Variants in RNF145 observed in about 807,000 individuals in gnomAD.
RNF145 encodes ring finger protein 145.
In RNF145, 12 loss-of-function variants were observed where a neutral mutation model predicts 57.3. That is an observed-to-expected ratio of 0.21 (90% CI 0.13 to 0.34). The LOEUF (loss-of-function observed/expected upper bound fraction) is 0.34. Among genes scored for constraint, RNF145 ranks in the 10% least tolerant of loss-of-function variants. RNF145 has a pLI of 1.00. For missense variants in RNF145, 429 were observed against 799.0 expected, an observed-to-expected ratio of 0.54 and a Z score of 5.58; for synonymous variants, 262 against 288.3, an observed-to-expected ratio of 0.91 and a Z score of 0.92.
intron 2 of RNF145, among the ~76,000 whole-genome samples, chr5:159,196,589 G>A (rs962107392): frequency 1.3e-5 from 2 of 152,148 alleles, no homozygotes; most frequent in South Asian, 4.1e-4. Flanking sequence ...AAGAAAACAT[G>A]AGCATGCTTG....
At chr5:159,180,224 T>C (rs529539121) in intron 4 of RNF145, among the ~76,000 whole-genome samples, 1 of 152,158 alleles carries the variant, frequency 6.6e-6, no homozygotes, top group South Asian at 2.1e-4. Flanking sequence ...CCTGGACCCT[T>C]TTATGGGTTC....
At chr5:159,178,048 C>A (rs73816511) in intron 4 of RNF145, among the ~76,000 whole-genome samples, 5,861 of 151,980 alleles carry the variant, frequency 0.039, 418 homozygotes, top group African/African-American at 0.13. Context: ...TAACTTTATT[C>A]TCTTATAAAA....
intron 10 of RNF145, 135 bp from the exon 11 acceptor site, chr5:159,159,170 C>T (rs1265192464): frequency 1.3e-6 from 1 of 747,350 alleles, no homozygotes; most frequent in Non-Finnish European, 2.1e-6. Flanking sequence ...ATAAAACTTA[C>T]TTTATATATC....
Position 159,194,702 on chromosome 5 carries a change from G to T in RNF145, c.293+14C>A, listed in dbSNP as rs746322600. ...ATTCAATCATACATTTCAAAAATGG[G>T]GTCATATTCTTACCTGGAAATTTGA... On this transcript the variant is annotated intron_variant, in intron 3 of 10. Coordinates refer to ENST00000424310, the MANE Select transcript of RNF145 (RefSeq NM_001199383.2). 9 of 1,432,438 alleles carry T rather than the reference G, an allele frequency of 6.3e-6. No individual in the cohort carries two copies. The African/African-American group carries it at 8.5e-5, about 14-fold the overall frequency. The allele number at this position is 1,432,438 out of a possible 1,614,324, so 88.7% of individuals were successfully genotyped here. A position where few individuals can be genotyped will look rare whatever the true frequency, so the allele number is the denominator to read the frequency against.
At chr5:159,198,239 CTAAA>C (rs10565309) in intron 2 of RNF145, among the ~76,000 whole-genome samples, 34,113 of 146,764 alleles carry the variant, frequency 0.23, 4,226 homozygotes, top group East Asian at 0.41. Flanking sequence ...GACTCTATCT[CTAAA>C]TAAATAAATA....
chr5:159,188,511 T>C (rs1188176237), intron 3 of RNF145, among the ~76,000 whole-genome samples: 1 of 152,098 alleles, frequency 6.6e-6, no homozygotes, highest in Non-Finnish European at 1.5e-5. Context: ...GTAGTATCAG[T>C]GTATGGTTTT....
intron 6 of RNF145, 44 bp downstream of exon 6, chr5:159,173,939 T>C: frequency 7.6e-7 from 1 of 1,316,038 alleles, no homozygotes; most frequent in South Asian, 2.0e-5. Context: ...CAAAGTTTTC[T>C]CTTTCTAAGG....
At chr5:159,189,401 G>GAAAT (rs1242395603) in intron 3 of RNF145, among the ~76,000 whole-genome samples, 1 of 152,168 alleles carries the variant, frequency 6.6e-6, no homozygotes, top group Non-Finnish European at 1.5e-5. Context: ...AAAGCACAAT[G>GAAAT]AAATACCTCT....
intron 1 of RNF145, among the ~76,000 whole-genome samples, chr5:159,208,902 G>A (rs541156089): frequency 1.4e-5 from 2 of 143,294 alleles, no homozygotes; most frequent in South Asian, 2.5e-4. Flanking sequence ...CTGGGAAGAG[G>A]AAGGGATGGG....
rs1266504431 is a variant in RNF145 at position 159,161,722 on chromosome 5, G to C, written c.1270-100C>G. On this transcript the variant is annotated intron_variant, in intron 9 of 10. Transcript: ENST00000424310. ...AACACATTCCTGATGTTTTTAGGGT[G>C]CAATATTTCAAATATACAGAAGAGT... 4 of 720,262 alleles carry C rather than the reference G, an allele frequency of 5.6e-6. No homozygotes were observed. In the African/African-American group the frequency reaches 7.1e-5, roughly 13 times the overall value. 44.6% of individuals were successfully genotyped at this position (720,262 alleles called of 1,614,324 possible). A position where few individuals can be genotyped will look rare whatever the true frequency, so the allele number is the denominator to read the frequency against.
Position 159,198,975 on chromosome 5 carries a change from C to T in RNF145, c.185-4151G>A, listed in dbSNP as rs545715229. Among the ~76,000 whole-genome samples, 176 of 152,198 alleles carry T rather than the reference C, an allele frequency of 1.2e-3. 1 individual carries two copies. The highest frequency in any genetic ancestry group is 4.0e-3 in the African/African-American group (166 of 41,530). ...CCTGCGCAAGAGTGAGACCCTGTCA[C>T]GTACATACATACATATATATAAAAT... On this transcript the variant is annotated intron_variant, in intron 2 of 10. Coordinates refer to ENST00000424310, the MANE Select transcript of RNF145 (RefSeq NM_001199383.2).
chr5:159,182,765 T>C (rs552466904), intron 3 of RNF145, among the ~76,000 whole-genome samples: 1 of 152,186 alleles, frequency 6.6e-6, no homozygotes, highest in African/African-American at 2.4e-5. Flanking sequence ...CAGGGAGAAT[T>C]TAGTTTATTA....
At chr5:159,209,729 G>A, upstream of RNF145, 1 of 1,107,450 alleles carries the variant, frequency 9.0e-7, no homozygotes, top group Non-Finnish European at 1.3e-6. Context: ...AGCCCGGCTC[G>A]GGTGGCTATG....
In RNF145 at chr5:159,161,447, C is replaced by G. The variant is rs752007304; in HGVS notation, c.1445G>C (p.Trp482Ser). Residue 482 changes from tryptophan (W) to serine (S), a missense_variant, in exon 10 of 11, where the codon TGG (tryptophan) becomes TCG (serine). By Grantham distance (177) the Trp-to-Ser change is radical. This residue lies in a region of RNF145 where 216 missense variants were observed against 457.6 expected (regional missense o/e 0.47). Coordinates refer to ENST00000424310, the MANE Select transcript of RNF145 (RefSeq NM_001199383.2). ...GATGATCATTGAGCCCATCACTGTC[C>G]ATTCTCCAAAGATGGTCTCTGAGAC... is the stretch of plus-strand genomic sequence containing the variant. ...YGVSETIFGE[W>S]TVMGSMIIFI... 6.2e-7 allele frequency: 1 copy of G among 1,614,168 alleles called. No individual in the cohort carries two copies. The highest frequency in any genetic ancestry group is 8.5e-7 in the Non-Finnish European group (1 of 1,180,024).
chr5:159,174,854 A>G (rs1001067047), intron 5 of RNF145, among the ~76,000 whole-genome samples: 1 of 152,170 alleles, frequency 6.6e-6, no homozygotes, highest in African/African-American at 2.4e-5. Flanking sequence ...CACTCTTCTT[A>G]TGAAACTGAT....
chr5:159,191,760 T>C (rs1008432926), intron 3 of RNF145, among the ~76,000 whole-genome samples: 2 of 152,016 alleles, frequency 1.3e-5, no homozygotes, highest in African/African-American at 2.4e-5. Context: ...TAAAAATAAA[T>C]AAAACAAAAT....
chr5:159,171,503 C>T (rs922758563), intron 6 of RNF145, among the ~76,000 whole-genome samples: 2 of 152,042 alleles, frequency 1.3e-5, no homozygotes, highest in African/African-American at 4.8e-5. Flanking sequence ...CAAAACAGAG[C>T]ATACTAAATA....
At chr5:159,169,634 T>C (rs1784485295) in intron 7 of RNF145, 45 bp downstream of exon 7, 1 of 1,409,032 alleles carries the variant, frequency 7.1e-7, no homozygotes. Context: ...CCTCAAGTTA[T>C]CTATAGTATT....
chr5:159,209,780 A>C, upstream of RNF145: 1 of 1,404,154 alleles, frequency 7.1e-7, no homozygotes, highest in Non-Finnish European at 9.7e-7. Context: ...GCACTGTGAC[A>C]GGCGCCATTC....
Sources: allele counts gnomAD v4.1 joint callset (sites outside exome capture counted in the v4.1 genomes callset), GRCh38; gene constraint gnomAD v4.1.1; regional missense constraint gnomAD v4.1.1; transcripts MANE v1.5; gene names NCBI Gene and HGNC (gene_info 2026-07-23, HGNC 2026-07-21).